Variants in STAU1 observed in about 807,000 individuals in gnomAD.
STAU1 encodes double-stranded RNA-binding protein Staufen homolog 1.
STAU1 carries 13 observed loss-of-function variants against 62.9 expected under a neutral mutation model. That is an observed-to-expected ratio of 0.21 (90% confidence interval 0.13 to 0.33). The LOEUF is 0.33. Among genes scored for constraint, STAU1 ranks in the 10% least tolerant of loss-of-function variants. The pLI, the probability that STAU1 is intolerant of heterozygous loss-of-function variation, is 1.00. For synonymous variants in STAU1, 269 were observed against 265.1 expected (o/e 1.01, Z -0.14); for missense variants, 571 against 712.1 (o/e 0.80, Z 2.25).
the STAU1 span, among the ~76,000 whole-genome samples, chr20:49,195,588 G>A: frequency 2.4e-5 from 3 of 126,436 alleles, no homozygotes; most frequent in Admixed American, 1.7e-4. Flanking sequence ...TCATGGGAAA[G>A]GAAAAACAAA....
intron 6 of STAU1, among the ~76,000 whole-genome samples, chr20:49,126,817 T>TA (rs1164668718): frequency 3.3e-5 from 5 of 151,048 alleles, no homozygotes; most frequent in Admixed American, 2.0e-4. Flanking sequence ...AAAAATCTCT[T>TA]AAAAAAATAG....
intron 5 of STAU1, among the ~76,000 whole-genome samples, chr20:49,145,992 G>A (rs1400379440): frequency 6.6e-6 from 1 of 152,174 alleles, no homozygotes; most frequent in Non-Finnish European, 1.5e-5. Flanking sequence ...TTCAGGCCAG[G>A]CGCTATGGCT....
intron 6 of STAU1, among the ~76,000 whole-genome samples, chr20:49,125,872 C>A (rs148147621): frequency 1.3e-5 from 2 of 151,974 alleles, no homozygotes; most frequent in South Asian, 4.2e-4. Context: ...TAGTTACCTA[C>A]AACAGGTGTG....
intron 1 of STAU1, among the ~76,000 whole-genome samples, chr20:49,181,207 T>C (rs375947022): frequency 6.6e-6 from 1 of 152,246 alleles, no homozygotes; most frequent in Non-Finnish European, 1.5e-5. Flanking sequence ...GCAACTTTTA[T>C]ATTATTAGGT....
chr20:49,134,305 C>T (rs1337016607), intron 6 of STAU1, among the ~76,000 whole-genome samples: 1 of 151,920 alleles, frequency 6.6e-6, no homozygotes, highest in Admixed American at 6.6e-5. Context: ...GTGGCGTATG[C>T]CTGTAATCCC....
At chr20:49,181,766 CAAAAAAAAAAAAAAA>C (rs758956478) in intron 1 of STAU1, among the ~76,000 whole-genome samples, 3 of 24,522 alleles carry the variant, frequency 1.2e-4, no homozygotes, top group Admixed American at 4.9e-4. Context: ...ACTATCTCAA[CAAAAAAAAAAAAAAA>C]AAAAAAAAAA....
intron 1 of STAU1, among the ~76,000 whole-genome samples, chr20:49,179,931 C>CA (rs1453720453): frequency 1.3e-5 from 2 of 152,160 alleles, no homozygotes; most frequent in Non-Finnish European, 2.9e-5. Context: ...AGGTTAAACA[C>CA]AAAATGGAAC....
chr20:49,195,898 CAAAAA>C, the STAU1 span, among the ~76,000 whole-genome samples: 3 of 33,874 alleles, frequency 8.9e-5, no homozygotes, highest in Admixed American at 6.3e-4. Context: ...AACTTCCTCT[CAAAAA>C]AAAAAAAAAA....
the STAU1 span, among the ~76,000 whole-genome samples, chr20:49,214,880 A>G: frequency 1.3e-5 from 2 of 152,224 alleles, no homozygotes; most frequent in Admixed American, 6.5e-5. Flanking sequence ...GGGGGACACA[A>G]ACATTTAGTC....
upstream of STAU1, among the ~76,000 whole-genome samples, chr20:49,191,732 C>G (rs1319796753): frequency 6.6e-6 from 1 of 152,102 alleles, no homozygotes; most frequent in East Asian, 1.9e-4. Context: ...ATATCAGAAT[C>G]TAAGAGCAAC....
At chr20:49,156,647 C>T (rs1005290105) in intron 3 of STAU1, among the ~76,000 whole-genome samples, 3 of 152,228 alleles carry the variant, frequency 2.0e-5, no homozygotes, top group Non-Finnish European at 4.4e-5. Context: ...TGCTGATTTC[C>T]AAGTGTCAGC....
intron 1 of STAU1, among the ~76,000 whole-genome samples, chr20:49,181,763 CAACAAAAAAAAAAAAAAAAA>C (rs1240188450): frequency 4.5e-5 from 3 of 66,702 alleles, no homozygotes; most frequent in African/African-American, 5.9e-5. Flanking sequence ...AAGACTATCT[CAACAAAAAAAAAAAAAAAAA>C]AAAAAAAAAA....
At chr20:49,177,597 T>C (rs1387953227) in intron 1 of STAU1, among the ~76,000 whole-genome samples, 3 of 151,736 alleles carry the variant, frequency 2.0e-5, no homozygotes, top group African/African-American at 4.8e-5. Context: ...GAGACTGGCA[T>C]GAATTCAGGA....
the STAU1 span, among the ~76,000 whole-genome samples, chr20:49,215,435 A>C: frequency 6.6e-6 from 1 of 152,176 alleles, no homozygotes; most frequent in East Asian, 1.9e-4. Flanking sequence ...CTTCACCTGT[A>C]AAATGGGGAT....
At chr20:49,157,480 ATT>A (rs964768758) in intron 3 of STAU1, among the ~76,000 whole-genome samples, 1 of 146,302 alleles carries the variant, frequency 6.8e-6, no homozygotes, top group African/African-American at 2.5e-5. Context: ...TACTTGGCTA[ATT>A]TTTTTTTTTT....
chr20:49,143,354 G>C (rs1166528238), intron 5 of STAU1, among the ~76,000 whole-genome samples: 2 of 152,168 alleles, frequency 1.3e-5, no homozygotes, highest in African/African-American at 4.8e-5. Context: ...CACTTTGAGA[G>C]GCCACGGTGG....
the STAU1 span, among the ~76,000 whole-genome samples, chr20:49,195,488 A>G: frequency 5.0e-3 from 634 of 127,966 alleles, 5 homozygotes; most frequent in African/African-American, 0.017. Flanking sequence ...GTGAGCCGAG[A>G]TCGTGCCACT....
At chr20:49,118,202 C>T (rs970912481) in intron 10 of STAU1, 106 bp from the exon 11 acceptor site, 22 of 1,384,050 alleles carry the variant, frequency 1.6e-5, no homozygotes, top group Middle Eastern at 1.8e-4. Flanking sequence ...CGCATGGCAG[C>T]GCAGGGAATC....
In STAU1 at chr20:49,127,476, C is replaced by T. The variant is rs1029802838; in HGVS notation, c.610-2889G>A. On this transcript the variant is annotated intron_variant, in intron 6 of 13. Transcript: ENST00000371856. The stretch of plus-strand genomic sequence containing the variant: ...ATACCAACACTGTGGTAGGCCGAGG[C>T]GGGTGGATCACCTGAGGTCAGGAGT... Among the ~76,000 whole-genome samples the T allele has an allele frequency of 3.3e-5, 5 of 151,958 alleles. No homozygotes were observed. In the South Asian group the frequency reaches 8.3e-4, roughly 25 times the overall value.
Sources: allele counts gnomAD v4.1 joint callset (sites outside exome capture counted in the v4.1 genomes callset), GRCh38; gene constraint gnomAD v4.1.1; transcripts MANE v1.5; gene names NCBI Gene and HGNC (gene_info 2026-07-23, HGNC 2026-07-21).